The following MTUS1 variants were observed in gnomAD, a reference collection of about 807,000 sequenced individuals.
The protein encoded by MTUS1 is microtubule associated scaffold protein 1.
MTUS1 carries 109 observed loss-of-function variants against 120.8 expected under a neutral mutation model. The ratio of observed to expected loss-of-function variants is 0.90; its 90% CI spans 0.77 to 1.06. The LOEUF is 1.06. Ranked by LOEUF, MTUS1 falls within the 50% of genes least tolerant of loss-of-function variation. MTUS1 has a pLI of 0.00. For synonymous variants in MTUS1, 737 were observed against 550.5 expected, an observed-to-expected ratio of 1.34 and a Z score of -4.74; for missense variants, 2,210 against 1,486.3, an observed-to-expected ratio of 1.49 and a Z score of -8.01.
At chr8:17,682,322 C>G (rs1814712586) in intron 7 of MTUS1, among the ~76,000 whole-genome samples, 1 of 152,070 alleles carries the variant, frequency 6.6e-6, no homozygotes, top group South Asian at 2.1e-4. Context: ...TCAAGACCAG[C>G]CTGGCCCACA....
chr8:17,656,797 C>T (rs901684230), intron 8 of MTUS1, among the ~76,000 whole-genome samples: 10 of 151,664 alleles, frequency 6.6e-5, no homozygotes, highest in South Asian at 2.1e-4. Flanking sequence ...ACCGGCCGGG[C>T]GCGGTGGCTC....
At chr8:17,733,693 C>G (rs931454649) in intron 3 of MTUS1, among the ~76,000 whole-genome samples, 1 of 152,184 alleles carries the variant, frequency 6.6e-6, no homozygotes, top group African/African-American at 2.4e-5. Context: ...TGTTGACTGC[C>G]AGAAAGCCAA....
At chr8:17,664,898 A>G (rs1810563538) in intron 8 of MTUS1, among the ~76,000 whole-genome samples, 1 of 152,112 alleles carries the variant, frequency 6.6e-6, no homozygotes, top group Non-Finnish European at 1.5e-5. Context: ...TGCTTTGTGG[A>G]CAGGCAGTGG....
At chr8:17,740,774 C>A (rs778442081) in intron 3 of MTUS1, among the ~76,000 whole-genome samples, 50 of 152,198 alleles carry the variant, frequency 3.3e-4, no homozygotes, top group Non-Finnish European at 6.5e-4. Context: ...GAGGTGCCAG[C>A]TGATCTGCTT....
chr8:17,694,746 A>G (rs951261423), intron 6 of MTUS1, among the ~76,000 whole-genome samples: 3 of 152,200 alleles, frequency 2.0e-5, no homozygotes, highest in African/African-American at 4.8e-5. Flanking sequence ...AAAGAAACAG[A>G]TAATTCATGA....
intron 3 of MTUS1, among the ~76,000 whole-genome samples, chr8:17,726,296 A>G (rs1439875872): frequency 1.3e-5 from 2 of 152,158 alleles, no homozygotes; most frequent in East Asian, 3.9e-4. Flanking sequence ...CTGTGAGCTT[A>G]TCCTGCCAGG....
intron 8 of MTUS1, among the ~76,000 whole-genome samples, chr8:17,657,142 A>G (rs943281218): frequency 6.6e-6 from 1 of 151,926 alleles, no homozygotes; most frequent in Non-Finnish European, 1.5e-5. Context: ...TTATTTCAAA[A>G]CTAATAAAAA....
intron 1 of MTUS1, among the ~76,000 whole-genome samples, chr8:17,773,279 T>C (rs560787984): frequency 4.9e-4 from 74 of 152,282 alleles, no homozygotes; most frequent in Non-Finnish European, 9.3e-4. Flanking sequence ...TCACCATACG[T>C]AGTGCAGGAG....
At chr8:17,777,209 G>A (rs1415568929) in intron 1 of MTUS1, among the ~76,000 whole-genome samples, 1 of 152,150 alleles carries the variant, frequency 6.6e-6, no homozygotes, top group Non-Finnish European at 1.5e-5. Flanking sequence ...GGTCAAGGTG[G>A]TTGGATCACC....
At chr8:17,663,997 G>GT (rs748468294) in intron 8 of MTUS1, 4 of 152,250 alleles carry the variant, frequency 2.6e-5, no homozygotes, top group Non-Finnish European at 5.9e-5. Context: ...CCTGACCACA[G>GT]TAACTTTGCA....
At position 17,675,153 on chromosome 8, in the gene MTUS1, T is replaced by C. The variant is rs1281891192; in HGVS notation, c.2905+33A>G. On this transcript the variant is annotated intron_variant, in intron 8 of 14. Transcript: ENST00000693296. ...ATTTTCCAGTGTTCCCCTTGTCCCA[T>C]AAAATTTAACAACAACAACAAAAAG... The C allele has an allele frequency of 5.6e-6, 9 of 1,612,488 alleles. No homozygotes were observed. In the Admixed American group the frequency reaches 1.3e-4, roughly 24 times the overall value.
intron 1 of MTUS1, among the ~76,000 whole-genome samples, chr8:17,776,170 C>T (rs747257179): frequency 6.6e-6 from 1 of 152,084 alleles, no homozygotes; most frequent in African/African-American, 2.4e-5. Flanking sequence ...ACAAAATACA[C>T]TATAACATAA....
intron 2 of MTUS1, among the ~76,000 whole-genome samples, chr8:17,744,842 C>A (rs2047623141): frequency 6.6e-6 from 1 of 152,082 alleles, no homozygotes; most frequent in South Asian, 2.1e-4. Context: ...TAACTTAATT[C>A]TTTCAACGAA....
At chr8:17,799,307 C>A (rs1196156719) in intron 1 of MTUS1, among the ~76,000 whole-genome samples, 1 of 151,954 alleles carries the variant, frequency 6.6e-6, no homozygotes, top group Non-Finnish European at 1.5e-5. Flanking sequence ...ATTAAGTAGC[C>A]ACTAAGATTT....
intron 5 of MTUS1, among the ~76,000 whole-genome samples, chr8:17,714,799 C>G (rs1821991964): frequency 6.7e-6 from 1 of 148,966 alleles, no homozygotes; most frequent in Admixed American, 6.7e-5. Flanking sequence ...AATTCTCTAA[C>G]ATAAATGTGG....
intron 6 of MTUS1, among the ~76,000 whole-genome samples, chr8:17,709,225 C>G (rs758542212): frequency 1.3e-5 from 2 of 152,016 alleles, no homozygotes; most frequent in Admixed American, 6.6e-5. Flanking sequence ...CCTGATGGGG[C>G]ATCAAGGATA....
chr8:17,768,203 C>A (rs142928396), intron 1 of MTUS1, among the ~76,000 whole-genome samples: 1,532 of 152,298 alleles, frequency 0.01, 18 homozygotes, highest in South Asian at 0.032. Flanking sequence ...GAAGGATTTA[C>A]GCTTTGAGTA....
chr8:17,738,326 C>T (rs150073331), intron 3 of MTUS1, among the ~76,000 whole-genome samples: 162 of 152,304 alleles, frequency 1.1e-3, no homozygotes, highest in African/African-American at 3.7e-3. Context: ...ACAGGAGTCA[C>T]GGGGCAGGGA....
chr8:17,676,258 T>C (rs942916050), intron 7 of MTUS1: 7 of 703,018 alleles, frequency 1.0e-5, no homozygotes, highest in Middle Eastern at 2.3e-4. Flanking sequence ...AAAAGCACTA[T>C]AAACAAATAC....
Sources: gnomAD v4.1 joint callset for allele counts (sites outside exome capture counted in the v4.1 genomes callset) on GRCh38, gnomAD v4.1.1 for gene constraint, MANE v1.5 for transcripts, NCBI Gene and HGNC (gene_info 2026-07-23, HGNC 2026-07-21) for gene names.